RANBP10: variants seen among roughly 807,000 people sequenced by gnomAD.
RANBP10 encodes the protein RAN binding protein 10.
Under a neutral mutation model 72.8 loss-of-function variants are expected in RANBP10, and 24 were observed. That is an observed-to-expected ratio of 0.33 (90% CI 0.24 to 0.46). RANBP10 has a LOEUF of 0.46. RANBP10 is among the 20% of genes least tolerant of loss of function. RANBP10 has a pLI of 1.00. For synonymous variants in RANBP10, 310 were observed against 322.3 expected, an observed-to-expected ratio of 0.96 and a Z score of 0.41; for missense variants, 679 against 817.5, an observed-to-expected ratio of 0.83 and a Z score of 2.07.
intron 2 of RANBP10, among the ~76,000 whole-genome samples, chr16:67,802,692 T>C (rs2055258411): frequency 6.6e-6 from 1 of 152,208 alleles, no homozygotes; most frequent in South Asian, 2.1e-4. Flanking sequence ...TCAACAGCCA[T>C]GTTTACCACA....
chr16:67,774,841 A>G lies in RANBP10; in HGVS notation c.348-2755T>C, dbSNP rs930950677. Among the ~76,000 whole-genome samples, 5 of 152,198 alleles carry G rather than the reference A, an allele frequency of 3.3e-5. No individual in the cohort carries two copies. In the East Asian group the frequency reaches 9.6e-4, roughly 29 times the overall value. On this transcript the variant is annotated intron_variant, in intron 2 of 13. Transcript: ENST00000317506. ...TTCTATCTTCCAGAAACTCTTCATAAACTTAAAGACTATCATCCAACCAAT... is the reference window on the plus strand; with the variant it reads ...TTCTATCTTCCAGAAACTCTTCATAGACTTAAAGACTATCATCCAACCAAT...
chr16:67,802,348 T>C (rs1251897996), intron 2 of RANBP10, among the ~76,000 whole-genome samples: 2 of 152,162 alleles, frequency 1.3e-5, no homozygotes, highest in African/African-American at 4.8e-5. Context: ...CTAAAACTGA[T>C]GTTTCCTTGC....
At chr16:67,743,700 T>TG (rs2054013246) in intron 4 of RANBP10, among the ~76,000 whole-genome samples, 1 of 152,190 alleles carries the variant, frequency 6.6e-6, no homozygotes, top group Non-Finnish European at 1.5e-5. Flanking sequence ...GCCTTTGTCC[T>TG]GCACCCATCC....
At chr16:67,734,617 G>A (rs1479970026) in intron 6 of RANBP10, among the ~76,000 whole-genome samples, 2 of 152,152 alleles carry the variant, frequency 1.3e-5, no homozygotes, top group Non-Finnish European at 2.9e-5. Context: ...TTATATACAG[G>A]AGCCTCCAAT....
rs568597464 is a variant in RANBP10, at chr16:67,769,386, G to A, written c.400+2648C>T. The stretch of plus-strand genomic sequence containing the variant: ...TTGAGCCCAGCAGGTTAAGACTGCA[G>A]TGAGCAGTGTTTGTGCCACTGCACT... On this transcript the variant is annotated intron_variant, in intron 3 of 13. Coordinates refer to ENST00000317506, the MANE Select transcript of RANBP10 (RefSeq NM_020850.3). 4.5e-5 allele frequency among the ~76,000 whole-genome samples: 6 copies of A among 133,760 alleles called. No individual in the cohort carries two copies. In the South Asian group the frequency reaches 1.5e-3, roughly 34 times the overall value. The allele number at this position is 133,760 out of a possible 152,430, so 87.8% of individuals were successfully genotyped here.
intron 7 of RANBP10, chr16:67,731,163 G>A: frequency 3.1e-6 from 1 of 326,024 alleles, no homozygotes; most frequent in Non-Finnish European, 5.8e-6. Flanking sequence ...GAGGAATCCA[G>A]GATTCAGGGG....
chr16:67,739,628 T>C (rs1256689038), intron 4 of RANBP10, among the ~76,000 whole-genome samples: 1 of 152,016 alleles, frequency 6.6e-6, no homozygotes, highest in Non-Finnish European at 1.5e-5. Context: ...CTCTACAAAA[T>C]ATATAAAATT....
chr16:67,782,743 G>A (rs1431102751), intron 2 of RANBP10, among the ~76,000 whole-genome samples: 1 of 151,502 alleles, frequency 6.6e-6, no homozygotes, highest in African/African-American at 2.4e-5. Flanking sequence ...ATAAGCCACC[G>A]TGCTGGGCCA....
intron 2 of RANBP10, among the ~76,000 whole-genome samples, chr16:67,795,698 A>G (rs2055118699): frequency 6.6e-6 from 1 of 151,354 alleles, no homozygotes; most frequent in South Asian, 2.1e-4. Flanking sequence ...TACTAAAAAT[A>G]CAAAAAATTA....
At chr16:67,805,577 G>A (rs1252060054) in intron 1 of RANBP10, 38 bp from the exon 2 acceptor site, 2 of 1,567,190 alleles carry the variant, frequency 1.3e-6, no homozygotes, top group African/African-American at 2.7e-5. Flanking sequence ...TCAGCAGAAG[G>A]AAATGCAAAT....
intron 3 of RANBP10, among the ~76,000 whole-genome samples, chr16:67,756,295 A>C (rs1597865217): frequency 1.3e-5 from 2 of 152,352 alleles, no homozygotes; most frequent in East Asian, 3.9e-4. Context: ...CCTACTGCTG[A>C]ATGGAAAGAT....
Position 67,803,830 on chromosome 16 carries a change from T to TTA in RANBP10, c.347+1597_347+1598insTA, listed in dbSNP as rs1389384322. On this transcript the variant is annotated intron_variant, in intron 2 of 13. Transcript: ENST00000317506. ...GAGACAGAGCAAGACCCCATCTCAT[T>TTA]AAAAAAAAAAAAAAAAAAAAAGAGA... Among the ~76,000 whole-genome samples the TTA allele has an allele frequency of 4.9e-3, 447 of 91,606 alleles. 4 individuals carry two copies. Among genetic ancestry groups the TTA allele is most frequent in the African/African-American group, 0.014 (367 of 25,864 alleles). 60.1% of individuals were successfully genotyped at this position (91,606 alleles called of 152,430 possible). A position where few individuals can be genotyped will look rare whatever the true frequency, so the allele number is the denominator to read the frequency against.
intron 3 of RANBP10, among the ~76,000 whole-genome samples, chr16:67,770,356 T>C (rs1177847298): frequency 1.3e-5 from 2 of 151,564 alleles, no homozygotes; most frequent in Non-Finnish European, 2.9e-5. Flanking sequence ...CTCAGATCAA[T>C]CAAAGGGGGA....
intron 2 of RANBP10, among the ~76,000 whole-genome samples, chr16:67,792,501 G>A (rs2055046956): frequency 6.6e-6 from 1 of 151,480 alleles, no homozygotes; most frequent in South Asian, 2.1e-4. Flanking sequence ...GGCAGAGGTT[G>A]CAGTGAGCCG....
In RANBP10 at chr16:67,795,976, G is replaced by A. The variant is rs113965938; in HGVS notation, c.347+9452C>T. On this transcript the variant is annotated intron_variant, in intron 2 of 13. Coordinates refer to ENST00000317506, the MANE Select transcript of RANBP10 (RefSeq NM_020850.3). Reference sequence around the variant, plus strand: ...CTGTTGCCCAGGCTGGAGTGCAGTGGCACAGTCTCAGCTCACTGCAACCTC... The same window carrying A: ...CTGTTGCCCAGGCTGGAGTGCAGTGACACAGTCTCAGCTCACTGCAACCTC... Among the ~76,000 whole-genome samples, 824 of 149,358 alleles carry A rather than the reference G, an allele frequency of 5.5e-3. 4 individuals are homozygous for A. Among genetic ancestry groups the A allele is most frequent in the South Asian group, 9.0e-3 (42 of 4,656 alleles).
chr16:67,772,974 T>C (rs1361633955), intron 2 of RANBP10, among the ~76,000 whole-genome samples: 1 of 152,156 alleles, frequency 6.6e-6, no homozygotes, highest in Non-Finnish European at 1.5e-5. Context: ...GAGTTAAGAC[T>C]CTGGGGGACT....
At chr16:67,790,187 G>C (rs1026297883) in intron 2 of RANBP10, among the ~76,000 whole-genome samples, 2 of 151,402 alleles carry the variant, frequency 1.3e-5, no homozygotes, top group Non-Finnish European at 2.9e-5. Context: ...ATGTGAAATG[G>C]GTCAGACACA....
chr16:67,748,237 T>C (rs1303089083), intron 3 of RANBP10, among the ~76,000 whole-genome samples: 1 of 151,602 alleles, frequency 6.6e-6, no homozygotes, highest in Non-Finnish European at 1.5e-5. Flanking sequence ...CTAATTATTC[T>C]GGCCGGATGC....
intron 3 of RANBP10, among the ~76,000 whole-genome samples, chr16:67,755,903 T>C (rs934402032): frequency 2.6e-5 from 4 of 152,140 alleles, no homozygotes; most frequent in African/African-American, 9.7e-5. Flanking sequence ...GCAGTTAGCC[T>C]GGCACCCATA....
Sources: allele counts gnomAD v4.1 joint callset (sites outside exome capture counted in the v4.1 genomes callset), GRCh38; gene constraint gnomAD v4.1.1; transcripts MANE v1.5; gene names NCBI Gene and HGNC (gene_info 2026-07-23, HGNC 2026-07-21).